WDR25: variants seen among roughly 807,000 people sequenced by gnomAD.
WDR25 encodes WD repeat-containing protein 25.
A neutral mutation model predicts 47.7 loss-of-function variants in WDR25; 35 were observed. The ratio of observed to expected loss-of-function variants is 0.73; its 90% CI spans 0.56 to 0.97. The LOEUF is 0.97. Ranked by LOEUF, WDR25 falls within the 50% of genes least tolerant of loss-of-function variation. The pLI is 0.00. For missense variants in WDR25, 634 were observed against 704.7 expected, an observed-to-expected ratio of 0.90 and a Z score of 1.14; for synonymous variants, 248 against 278.9, an observed-to-expected ratio of 0.89 and a Z score of 1.10.
In WDR25 at chr14:100,488,091, G is replaced by A. The variant is rs912582372; in HGVS notation, c.1101+3967G>A. Among the ~76,000 whole-genome samples, 1 of 152,152 alleles carries A rather than the reference G, an allele frequency of 6.6e-6. No homozygotes were observed. The highest frequency in any genetic ancestry group is 2.4e-5 in the African/African-American group (1 of 41,436). On this transcript the variant is annotated intron_variant, in intron 4 of 6. Coordinates refer to ENST00000402312, the MANE Select transcript of WDR25 (RefSeq NM_001161476.3). The surrounding 1 kb of genome is among the most constrained non-coding windows in gnomAD (Gnocchi z 4.2). ...TCTAGCCCAATTCATTACAGCAAAT[G>A]GGCTGTTTGGCTCCCTGTCTCCTCT...
intron 4 of WDR25, among the ~76,000 whole-genome samples, chr14:100,521,835 A>C (rs186015251): frequency 1.3e-5 from 2 of 152,098 alleles, no homozygotes; most frequent in African/African-American, 4.8e-5. Context: ...ATTTTGCTCA[A>C]AGTTGTCTAA....
chr14:100,529,974 A>G lies in WDR25; in HGVS notation c.1568A>G (p.Tyr523Cys), dbSNP rs762275292. ...ACACAGGCCTGTGTCGGCACCACCT[A>G]TCACCCCGTGCTGCCCTCCGTCCTC... ...GHTQACVGTT[Y>C]HPVLPSVLAT... The change falls in exon 7 of 7, where the codon TAT (tyrosine) becomes TGT (cysteine). Residue 523 changes from tyrosine to cysteine, a missense_variant. Transcript: ENST00000402312. This position sits in a 1 kb window ranked among gnomAD's most constrained non-coding sequence, Gnocchi z 5.1. 28 of 1,613,264 alleles carry G rather than the reference A, an allele frequency of 1.7e-5. No homozygotes were observed. The East Asian group carries it at 2.7e-4, about 15-fold the overall frequency.
intron 5 of WDR25, 103 bp downstream of exon 5, chr14:100,526,143 C>CGGAGAGCCTTGGGCCTGCT: frequency 3.6e-6 from 5 of 1,376,964 alleles, no homozygotes; most frequent in Non-Finnish European, 4.9e-6. Context: ...GGAGGAGGCT[C>CGGAGAGCCTTGGGCCTGCT]ACTGGACTGA....
At chr14:100,386,358 T>C (rs545381320) in intron 2 of WDR25, among the ~76,000 whole-genome samples, 1 of 152,242 alleles carries the variant, frequency 6.6e-6, no homozygotes, top group South Asian at 2.1e-4. Flanking sequence ...TTGCATAGTA[T>C]GTGCAGTTTT....
intron 2 of WDR25, among the ~76,000 whole-genome samples, chr14:100,437,386 G>A (rs1005352698): frequency 1.3e-5 from 2 of 152,184 alleles, no homozygotes; most frequent in Non-Finnish European, 2.9e-5. Context: ...GAGTCTCACT[G>A]TTTCAGCTCT....
intron 4 of WDR25, among the ~76,000 whole-genome samples, chr14:100,493,248 C>A (rs907472851): frequency 3.9e-5 from 6 of 152,314 alleles, no homozygotes; most frequent in African/African-American, 1.2e-4. Context: ...ATTTTCCTCA[C>A]CCCAAAAAGA....
At chr14:100,378,677 G>GAGAGAAAAGAGGGAAGGGCTGGA (rs1566878593) in intron 1 of WDR25, among the ~76,000 whole-genome samples, 14 of 86,550 alleles carry the variant, frequency 1.6e-4, no homozygotes, top group South Asian at 8.7e-4. Context: ...GTTCCAGGCA[G>GAGAGAAAAGAGGGAAGGGCTGGA]GCCGGGCGCG....
chr14:100,513,440 C>T (rs554639637), intron 4 of WDR25, among the ~76,000 whole-genome samples: 2 of 152,296 alleles, frequency 1.3e-5, no homozygotes, highest in African/African-American at 4.8e-5. Flanking sequence ...GACTTCCCAC[C>T]ATCCAGAAAT....
At chr14:100,465,121 C>G (rs922875523) in intron 2 of WDR25, among the ~76,000 whole-genome samples, 6 of 152,072 alleles carry the variant, frequency 3.9e-5, no homozygotes, top group Non-Finnish European at 5.9e-5. Flanking sequence ...TTTTTATAGC[C>G]TGGCTACAAA....
rs1900832327 is a variant in WDR25 at position 100,499,161 on chromosome 14, C to T, written c.1101+15037C>T. ...GATAACCCATTAAACTTCAACCCAGCCATAACCACCACTGACAGTTGGTAT... is the reference window on the plus strand; with the variant it reads ...GATAACCCATTAAACTTCAACCCAGTCATAACCACCACTGACAGTTGGTAT... On this transcript the variant is annotated intron_variant, in intron 4 of 6. Coordinates refer to ENST00000402312, the MANE Select transcript of WDR25 (RefSeq NM_001161476.3). The surrounding 1 kb of genome is among the most constrained non-coding windows in gnomAD (Gnocchi z 4.4). Among the ~76,000 whole-genome samples the T allele has an allele frequency of 6.6e-6, 1 of 152,192 alleles. No homozygotes were observed. The highest frequency in any genetic ancestry group is 2.4e-5 in the African/African-American group (1 of 41,444).
At chr14:100,437,420 G>C (rs757891697) in intron 2 of WDR25, among the ~76,000 whole-genome samples, 17 of 152,128 alleles carry the variant, frequency 1.1e-4, no homozygotes, top group Non-Finnish European at 5.9e-5. Context: ...CCAAGAAGTG[G>C]TACTATAGTG....
Position 100,450,627 on chromosome 14 carries a change from A to G in WDR25, c.823-17394A>G, listed in dbSNP as rs1566915548. 2.0e-5 allele frequency among the ~76,000 whole-genome samples: 3 copies of G among 152,356 alleles called. No individual in the cohort carries two copies. The East Asian group carries it at 5.8e-4, about 29-fold the overall frequency. ...TGCCCATCTGTAAAATGGAGATGAC[A>G]GTTTCCCTGACAACCTTGTGGGCTT... is the stretch of plus-strand genomic sequence containing the variant. On this transcript the variant is annotated intron_variant, in intron 2 of 6. Coordinates refer to ENST00000402312, the MANE Select transcript of WDR25 (RefSeq NM_001161476.3).
intron 2 of WDR25, among the ~76,000 whole-genome samples, chr14:100,419,289 C>T (rs756198303): frequency 6.6e-6 from 1 of 151,842 alleles, no homozygotes; most frequent in African/African-American, 2.4e-5. Flanking sequence ...CCTGGGGCCT[C>T]GCTCCTTCCG....
intron 3 of WDR25, among the ~76,000 whole-genome samples, chr14:100,470,967 T>G (rs1200065219): frequency 6.6e-6 from 1 of 152,206 alleles, no homozygotes; most frequent in Non-Finnish European, 1.5e-5. Flanking sequence ...ACTGTTGAAT[T>G]CAACTCTTGA....
chr14:100,469,876 C>A (rs1899770600), intron 3 of WDR25, among the ~76,000 whole-genome samples: 1 of 152,236 alleles, frequency 6.6e-6, no homozygotes, highest in African/African-American at 2.4e-5. Context: ...GCCCCAAAGC[C>A]TGCTGCCTGA....
At position 100,530,215 on chromosome 14, in the gene WDR25, G is replaced by T; in HGVS notation, c.*174G>T. 1 of 679,478 alleles carries T rather than the reference G, an allele frequency of 1.5e-6. No individual in the cohort carries two copies. The highest frequency in any genetic ancestry group is 1.9e-5 in the South Asian group (1 of 51,328). 42.1% of individuals were successfully genotyped at this position (679,478 alleles called of 1,614,324 possible). A position where few individuals can be genotyped will look rare whatever the true frequency, so the allele number is the denominator to read the frequency against. On this transcript the variant is annotated 3_prime_UTR_variant, in exon 7 of 7. Coordinates refer to ENST00000402312, the MANE Select transcript of WDR25 (RefSeq NM_001161476.3). ...AGAAAAGTCTGTTTGCCTCAGGAGT[G>T]TGAGGACTACACTAGTGAAAGCGCC...
At chr14:100,492,167 C>T (rs182156637) in intron 4 of WDR25, among the ~76,000 whole-genome samples, 2 of 152,358 alleles carry the variant, frequency 1.3e-5, no homozygotes, top group East Asian at 3.9e-4. Flanking sequence ...CTGAAAACAT[C>T]TGTTTCTCTC....
At chr14:100,519,942 T>A (rs1261744378) in intron 4 of WDR25, among the ~76,000 whole-genome samples, 1 of 144,100 alleles carries the variant, frequency 6.9e-6, no homozygotes, top group Non-Finnish European at 1.5e-5. Flanking sequence ...TACACTATAG[T>A]ATAAATACAG....
chr14:100,389,134 G>T (rs555041394), intron 2 of WDR25, among the ~76,000 whole-genome samples: 1 of 152,124 alleles, frequency 6.6e-6, no homozygotes, highest in Non-Finnish European at 1.5e-5. Flanking sequence ...GATTTAATTT[G>T]TTTTATCATA....
Sources: allele counts gnomAD v4.1 joint callset (sites outside exome capture counted in the v4.1 genomes callset), GRCh38; gene constraint gnomAD v4.1.1; non-coding constraint Gnocchi (gnomAD v3.1); transcripts MANE v1.5; gene names NCBI Gene and HGNC (gene_info 2026-07-23, HGNC 2026-07-21).